The following AOX1 variants were observed in gnomAD, a reference collection of about 807,000 sequenced individuals.
The protein encoded by AOX1 is aldehyde oxidase 1.
A neutral mutation model predicts 169.5 loss-of-function variants in AOX1; 153 were observed. The observed-to-expected ratio is 0.90, with a 90% CI of 0.79 to 1.03. AOX1 has a LOEUF of 1.03. Ranked by LOEUF, AOX1 falls within the 50% of genes least tolerant of loss-of-function variation. The pLI is 0.00. For synonymous variants in AOX1, 562 were observed against 581.9 expected, an observed-to-expected ratio of 0.97 and a Z score of 0.49; for missense variants, 1,656 against 1,663.9, an observed-to-expected ratio of 1.00 and a Z score of 0.08.
intron 14 of AOX1, among the ~76,000 whole-genome samples, chr2:200,613,003 C>CGTGTGTGT (rs745607427): frequency 4.0e-4 from 58 of 144,156 alleles, no homozygotes; most frequent in Admixed American, 1.1e-3. Context: ...ACTCTGTGTG[C>CGTGTGTGT]GTGTGTGTGT....
intron 1 of AOX1, among the ~76,000 whole-genome samples, chr2:200,589,920 G>A (rs2034133682): frequency 6.6e-6 from 1 of 152,144 alleles, no homozygotes; most frequent in African/African-American, 2.4e-5. Flanking sequence ...TGGAGAAGGT[G>A]GAGGCACCTT....
At chr2:200,669,122 C>T (rs895012078) in intron 33 of AOX1, among the ~76,000 whole-genome samples, 1 of 152,042 alleles carries the variant, frequency 6.6e-6, no homozygotes, top group Non-Finnish European at 1.5e-5. Flanking sequence ...AATATTGGAT[C>T]AAAAGATTAA....
Position 200,597,414 on chromosome 2 carries a change from C to A in AOX1, c.218C>A (p.Ala73Asp). Residue 73 changes from alanine (A) to aspartate (D), a missense_variant, in exon 4 of 35, where the codon GCC becomes GAC. Ala to Asp is a moderately radical substitution (Grantham distance 126). Transcript: ENST00000374700. ...TTCTGAAGGCATCACCCAGCCAATG[C>A]CTGTCTGATTCCCATCTGTTCTCTG... The part of the protein sequence containing the change: ...TKRIRHHPAN[A>D]CLIPICSLYG... 1.2e-6 allele frequency: 2 copies of A among 1,608,170 alleles called. No homozygotes were observed. Among genetic ancestry groups the A allele is most frequent in the Non-Finnish European group, 1.7e-6 (2 of 1,177,164 alleles).
intron 19 of AOX1, among the ~76,000 whole-genome samples, chr2:200,625,966 G>A (rs1028209954): frequency 3.3e-5 from 5 of 152,122 alleles, no homozygotes; most frequent in African/African-American, 9.7e-5. Context: ...CAAGGGGTAA[G>A]GCTGATGACC....
intron 11 of AOX1, 82 bp downstream of exon 11, chr2:200,609,217 G>C: frequency 6.3e-7 from 1 of 1,594,266 alleles, no homozygotes; most frequent in South Asian, 1.1e-5. Flanking sequence ...TCATTCTTTT[G>C]GAACAGACAA....
chr2:200,608,127 A>G (rs1156603712), intron 10 of AOX1, among the ~76,000 whole-genome samples: 1 of 152,216 alleles, frequency 6.6e-6, no homozygotes, highest in Admixed American at 6.6e-5. Flanking sequence ...TAGAACTTAA[A>G]GTAAAATAAA....
intron 31 of AOX1, among the ~76,000 whole-genome samples, chr2:200,665,657 C>T (rs942633738): frequency 6.6e-6 from 1 of 152,170 alleles, no homozygotes; most frequent in Non-Finnish European, 1.5e-5. Flanking sequence ...GTCTCAAACT[C>T]CTGGCCTCAA....
intron 1 of AOX1, among the ~76,000 whole-genome samples, chr2:200,591,803 A>AT (rs1375779452): frequency 2.6e-5 from 4 of 152,096 alleles, no homozygotes; most frequent in Admixed American, 2.6e-4. Flanking sequence ...AGAGGACGAT[A>AT]TTGCGGGTAC....
chr2:200,659,098 C>A (rs1242279211), intron 27 of AOX1, 67 bp from the exon 28 acceptor site: 3 of 1,514,728 alleles, frequency 2.0e-6, no homozygotes, highest in Middle Eastern at 1.7e-4. Flanking sequence ...TGTGTTACCA[C>A]GTGGGCATGT....
chr2:200,634,646 A>C, intron 20 of AOX1, 145 bp from the exon 21 acceptor site: 1 of 1,013,396 alleles, frequency 9.9e-7, no homozygotes, highest in East Asian at 2.7e-5. Flanking sequence ...AGTAGACTGA[A>C]AGCTAAACAT....
At chr2:200,681,205 A>G (rs2036149942), downstream of AOX1, among the ~76,000 whole-genome samples, 1 of 152,182 alleles carries the variant, frequency 6.6e-6, no homozygotes, top group African/African-American at 2.4e-5. Context: ...GAAAGCCTCC[A>G]TTGGCATCCG....
intron 10 of AOX1, among the ~76,000 whole-genome samples, chr2:200,608,765 C>A (rs2034568437): frequency 2.0e-5 from 3 of 152,068 alleles, no homozygotes; most frequent in Admixed American, 1.3e-4. Context: ...CCACACCACC[C>A]CCTCAACTGC....
chr2:200,648,912 A>G (rs2035521027), intron 25 of AOX1, among the ~76,000 whole-genome samples: 1 of 152,116 alleles, frequency 6.6e-6, no homozygotes, highest in Non-Finnish European at 1.5e-5. Flanking sequence ...CCATACAAGC[A>G]GAAGGGTTGG....
chr2:200,628,953 A>G (rs1373543932), intron 20 of AOX1, among the ~76,000 whole-genome samples: 1 of 151,922 alleles, frequency 6.6e-6, no homozygotes, highest in Non-Finnish European at 1.5e-5. Context: ...AAACAAACAA[A>G]AAACACAACT....
At chr2:200,605,978 CTTTAG>C (rs932707985) in intron 10 of AOX1, among the ~76,000 whole-genome samples, 2 of 152,168 alleles carry the variant, frequency 1.3e-5, no homozygotes, top group Non-Finnish European at 2.9e-5. Context: ...GGCATAAACT[CTTTAG>C]TTTAATTAGA....
At chr2:200,673,647 A>G (rs368312621), downstream of AOX1, among the ~76,000 whole-genome samples, 38 of 152,348 alleles carry the variant, frequency 2.5e-4, no homozygotes, top group African/African-American at 9.1e-4. Context: ...ATTTGTGGGC[A>G]CACACACATG....
intron 25 of AOX1, among the ~76,000 whole-genome samples, chr2:200,647,766 A>G (rs1415912065): frequency 1.3e-5 from 2 of 152,082 alleles, no homozygotes; most frequent in Non-Finnish European, 2.9e-5. Context: ...GACTTCTTGG[A>G]GATTTTGTTC....
chr2:200,607,889 C>G (rs958790934), intron 10 of AOX1, among the ~76,000 whole-genome samples: 24 of 152,184 alleles, frequency 1.6e-4, no homozygotes, highest in African/African-American at 5.8e-4. Context: ...ACACCACATG[C>G]TCTTACTCAT....
chr2:200,621,794 C>T (rs1366211428), intron 18 of AOX1, among the ~76,000 whole-genome samples: 2 of 150,852 alleles, frequency 1.3e-5, no homozygotes, highest in Admixed American at 1.3e-4. Context: ...TGTTTGTCAC[C>T]CAGGCTGGAG....
Sources: allele counts gnomAD v4.1 joint callset (sites outside exome capture counted in the v4.1 genomes callset), GRCh38; gene constraint gnomAD v4.1.1; transcripts MANE v1.5; gene names NCBI Gene and HGNC (gene_info 2026-07-23, HGNC 2026-07-21).